The following EIF4G3 variants were observed in gnomAD, a reference collection of about 807,000 sequenced individuals.
EIF4G3 encodes the protein eIF-4-gamma 3.
In EIF4G3, 34 loss-of-function variants were observed where a neutral mutation model predicts 186.4. That is an observed-to-expected ratio of 0.18 (90% confidence interval 0.14 to 0.24). The LOEUF (loss-of-function observed/expected upper bound fraction) is 0.24, where lower values mean the gene tolerates loss of function less well. EIF4G3 is among the 10% of genes least tolerant of loss of function. EIF4G3 has a pLI of 1.00. For synonymous variants in EIF4G3, 673 were observed against 679.5 expected (o/e 0.99, Z 0.15); for missense variants, 1,536 against 1,948.5 (o/e 0.79, Z 3.99).
intron 2 of EIF4G3, among the ~76,000 whole-genome samples, chr1:21,155,262 CAAAAAAA>C (rs34182850): frequency 1.1e-3 from 48 of 43,326 alleles, no homozygotes; most frequent in African/African-American, 4.1e-3. Context: ...GACTCTGTCT[CAAAAAAA>C]AAAAAAAAAA....
intron 33 of EIF4G3, among the ~76,000 whole-genome samples, chr1:20,823,448 C>T (rs1402739422): frequency 1.3e-5 from 2 of 151,920 alleles, no homozygotes; most frequent in Non-Finnish European, 2.9e-5. Flanking sequence ...GTGGTGTGAT[C>T]GTATCTCACT....
intron 3 of EIF4G3, among the ~76,000 whole-genome samples, chr1:21,051,879 A>T (rs1426827482): frequency 6.6e-6 from 1 of 152,084 alleles, no homozygotes; most frequent in African/African-American, 2.4e-5. Flanking sequence ...ATACAAAAAA[A>T]TTTTTAAAAA....
At chr1:20,981,516 TATACATACATACATGTATAC>T (rs1396893988) in intron 8 of EIF4G3, among the ~76,000 whole-genome samples, 43,090 of 132,642 alleles carry the variant, frequency 0.32, 9,102 homozygotes, top group Non-Finnish European at 0.39. Context: ...ATACTGTATA[TATACATACATACATGTATAC>T]GCACATACTG....
chr1:21,154,775 C>A (rs985397569), intron 2 of EIF4G3, among the ~76,000 whole-genome samples: 2 of 152,172 alleles, frequency 1.3e-5, no homozygotes, highest in Admixed American at 6.5e-5. Flanking sequence ...CTATGTATCT[C>A]TCCATCTATA....
At chr1:21,171,961 C>A (rs1044888867) in intron 2 of EIF4G3, among the ~76,000 whole-genome samples, 1 of 151,982 alleles carries the variant, frequency 6.6e-6, no homozygotes, top group Non-Finnish European at 1.5e-5. Flanking sequence ...AAGGATATTA[C>A]GAGATGCACT....
chr1:20,994,167 G>A (rs967643906), intron 7 of EIF4G3, among the ~76,000 whole-genome samples: 4 of 152,074 alleles, frequency 2.6e-5, no homozygotes, highest in African/African-American at 7.2e-5. Context: ...TATTATATAC[G>A]GCAGCTTTGA....
intron 14 of EIF4G3, among the ~76,000 whole-genome samples, chr1:20,905,425 A>G (rs1558167246): frequency 6.6e-6 from 1 of 152,214 alleles, no homozygotes; most frequent in Non-Finnish European, 1.5e-5. Context: ...TAATACGCTC[A>G]GGATTCTGTT....
intron 14 of EIF4G3, among the ~76,000 whole-genome samples, chr1:20,911,620 T>C (rs1299475583): frequency 7.8e-6 from 1 of 127,682 alleles, no homozygotes; most frequent in Non-Finnish European, 1.7e-5. Context: ...ATAAGACAGG[T>C]AAATCTTTAA....
At chr1:20,841,233 CA>C in intron 29 of EIF4G3, 4 of 412,728 alleles carry the variant, frequency 9.7e-6, no homozygotes, top group East Asian at 4.0e-5. Flanking sequence ...AAAAGTCATA[CA>C]AAAAAAGAGC....
intron 4 of EIF4G3, among the ~76,000 whole-genome samples, chr1:21,006,853 T>C (rs2085223100): frequency 6.6e-6 from 1 of 152,196 alleles, no homozygotes; most frequent in Non-Finnish European, 1.5e-5. Context: ...TTTCCTATTT[T>C]CACAATGTAG....
intron 14 of EIF4G3, among the ~76,000 whole-genome samples, chr1:20,911,322 C>A (rs1334912625): frequency 1.3e-5 from 2 of 152,120 alleles, no homozygotes; most frequent in Admixed American, 6.5e-5. Context: ...AATCCCAACA[C>A]TTTTGGAGGC....
intron 3 of EIF4G3, among the ~76,000 whole-genome samples, chr1:21,061,124 GGC>G (rs1307967836): frequency 6.6e-6 from 1 of 152,054 alleles, no homozygotes; most frequent in Non-Finnish European, 1.5e-5. Context: ...TTAAGTTTAT[GGC>G]TTGAAAGATT....
At chr1:20,933,427 C>T (rs1186874110) in intron 14 of EIF4G3, among the ~76,000 whole-genome samples, 2 of 151,920 alleles carry the variant, frequency 1.3e-5, no homozygotes, top group South Asian at 2.1e-4. Context: ...GAGGCTGAGC[C>T]GGGTGGATCA....
At chr1:21,001,710 G>A (rs560616175) in intron 5 of EIF4G3, among the ~76,000 whole-genome samples, 2 of 152,238 alleles carry the variant, frequency 1.3e-5, no homozygotes, top group African/African-American at 4.8e-5. Context: ...TCTAAGAACA[G>A]GTATTGGAGA....
chr1:20,829,190 G>A lies in EIF4G3; in HGVS notation c.4144C>T (p.Pro1382Ser). 6.2e-7 allele frequency: 1 copy of A among 1,613,856 alleles called. No individual in the cohort carries two copies. The highest frequency in any genetic ancestry group is 1.7e-5 in the Admixed American group (1 of 60,002). ...GAGATTCCACCTTCTTTTAACATGG[G>A]GGTCACCAGTTCAGCAAGGTACAAC... ...IWLYLAELVTPMLKEGGISMR... is the reference protein window; with the variant it reads ...IWLYLAELVTSMLKEGGISMR... The change falls in exon 31 of 37, where the codon CCC becomes TCC. Residue 1382 changes from proline to serine, a missense_variant. Pro to Ser is a moderately conservative substitution (Grantham distance 74). This residue lies in a region of EIF4G3 where 395 missense variants were observed against 498.9 expected (regional missense o/e 0.79). Transcript: ENST00000602326.
At chr1:21,097,493 T>A (rs2096403103) in intron 2 of EIF4G3, among the ~76,000 whole-genome samples, 1 of 152,206 alleles carries the variant, frequency 6.6e-6, no homozygotes, top group African/African-American at 2.4e-5. Flanking sequence ...CTGTTTTTTA[T>A]GATAGGAAAA....
rs190987842 is a variant in EIF4G3 at position 21,035,356 on chromosome 1, A to C, written c.-67+15510T>G. ...GGAGTCCCACCCCTCCTGAGTTGGC[A>C]GGGCAGGAGCTCCCCAGGCACAGCT... On this transcript the variant is annotated intron_variant, in intron 4 of 36. Transcript: ENST00000602326. 5.3e-5 allele frequency among the ~76,000 whole-genome samples: 8 copies of C among 152,270 alleles called. No individual in the cohort carries two copies. The East Asian group carries it at 1.5e-3, about 29-fold the overall frequency.
intron 14 of EIF4G3, among the ~76,000 whole-genome samples, chr1:20,935,510 C>T (rs1322611505): frequency 1.3e-5 from 2 of 152,122 alleles, no homozygotes; most frequent in African/African-American, 2.4e-5. Flanking sequence ...TCTTACTAAA[C>T]TTATCTTCCT....
intron 7 of EIF4G3, among the ~76,000 whole-genome samples, chr1:20,995,348 G>C (rs1377408078): frequency 6.6e-6 from 1 of 152,032 alleles, no homozygotes; most frequent in Non-Finnish European, 1.5e-5. Context: ...AAAGGCCCAG[G>C]CTATTTAGTA....
Sources: allele counts gnomAD v4.1 joint callset (sites outside exome capture counted in the v4.1 genomes callset), GRCh38; gene constraint gnomAD v4.1.1; regional missense constraint gnomAD v4.1.1; transcripts MANE v1.5; gene names NCBI Gene and HGNC (gene_info 2026-07-23, HGNC 2026-07-21).